The following CHEK1 variants were observed in gnomAD, a reference collection of about 807,000 sequenced individuals.
The protein encoded by CHEK1 is serine/threonine-protein kinase Chk1.
CHEK1 carries 32 observed loss-of-function variants against 60.2 expected under a neutral mutation model. The ratio of observed to expected loss-of-function variants is 0.53; its 90% CI spans 0.40 to 0.71. The LOEUF (loss-of-function observed/expected upper bound fraction) is 0.71, where lower values mean the gene tolerates loss of function less well. Ranked by LOEUF, CHEK1 falls within the 30% of genes least tolerant of loss-of-function variation. The pLI is 0.00. For missense variants in CHEK1, 399 were observed against 564.6 expected (o/e 0.71, Z 2.97); for synonymous variants, 179 against 187.2 (o/e 0.96, Z 0.36).
intron 8 of CHEK1, among the ~76,000 whole-genome samples, chr11:125,639,605 C>T (rs188716209): frequency 1.2e-4 from 19 of 152,160 alleles, no homozygotes; most frequent in Admixed American, 1.2e-3. Flanking sequence ...CTCCTAGCCT[C>T]AAGTGATCCC....
intron 13 of CHEK1, among the ~76,000 whole-genome samples, chr11:125,669,265 G>A (rs1417488317): frequency 6.6e-6 from 1 of 152,152 alleles, no homozygotes; most frequent in East Asian, 1.9e-4. Flanking sequence ...ATATGGAAAT[G>A]TGTTACCTTC....
At chr11:125,673,712 GT>G (rs1397790410) in intron 13 of CHEK1, among the ~76,000 whole-genome samples, 4 of 152,164 alleles carry the variant, frequency 2.6e-5, no homozygotes, top group Non-Finnish European at 5.9e-5. Flanking sequence ...AAACCTGCTT[GT>G]TTTTGTGAGT....
At chr11:125,627,469 TAGC>T in intron 2 of CHEK1, 135 bp from the exon 3 acceptor site, 4 of 655,458 alleles carry the variant, frequency 6.1e-6, no homozygotes, top group Non-Finnish European at 1.0e-5. Context: ...GTTGAGAACA[TAGC>T]AGAAACCACT....
intron 7 of CHEK1, among the ~76,000 whole-genome samples, chr11:125,636,955 C>T (rs1160560539): frequency 6.6e-6 from 1 of 151,914 alleles, no homozygotes; most frequent in African/African-American, 2.4e-5. Context: ...ATCTTTGGTC[C>T]ATTAGGAAAT....
chr11:125,674,953 C>T (rs1220646583), intron 13 of CHEK1, among the ~76,000 whole-genome samples: 1 of 152,200 alleles, frequency 6.6e-6, no homozygotes, highest in Non-Finnish European at 1.5e-5. Context: ...TTACATCCTG[C>T]ACTTTTCTGA....
At chr11:125,663,115 G>C (rs1460088681) in intron 13 of CHEK1, among the ~76,000 whole-genome samples, 1 of 149,152 alleles carries the variant, frequency 6.7e-6, no homozygotes, top group Non-Finnish European at 1.5e-5. Context: ...CTAGTCCTTT[G>C]TCAAATATGT....
chr11:125,627,695 A>G lies in CHEK1; in HGVS notation c.154A>G (p.Ile52Val). 1 of 1,614,004 alleles carries G rather than the reference A, an allele frequency of 6.2e-7. No individual in the cohort carries two copies. Among genetic ancestry groups the G allele is most frequent in the Non-Finnish European group, 8.5e-7 (1 of 1,179,934 alleles). The change falls in exon 3 of 13, where the codon ATT (isoleucine) becomes GTT (valine). Residue 52 changes from isoleucine (I) to valine (V), a missense_variant. Around this residue, in one of 2 missense-constraint regions of CHEK1, gnomAD observed 370 missense variants for 494.8 expected, o/e 0.75. Transcript: ENST00000438015. ...MKRAVDCPEN[I>V]KKEICINKML... is the part of the protein sequence containing the mutation. ...GCGTGCCGTAGACTGTCCAGAAAAT[A>G]TTAAGAAAGAGATCTGTATCAATAA...
intron 8 of CHEK1, among the ~76,000 whole-genome samples, chr11:125,640,695 G>A (rs61919033): frequency 1.3e-5 from 2 of 152,016 alleles, no homozygotes; most frequent in Non-Finnish European, 2.9e-5. Flanking sequence ...TCAGCTTCCC[G>A]AGTAGCTGGG....
At chr11:125,681,063 T>TAAA (rs11398416), downstream of CHEK1, 38 of 168,622 alleles carry the variant, frequency 2.3e-4, no homozygotes, top group East Asian at 4.2e-4. The surrounding 1 kb of genome is among the most constrained non-coding windows in gnomAD (Gnocchi z 4.2). Context: ...GCCCTATCTT[T>TAAA]AAAAAAAAAA....
chr11:125,648,649 T>A (rs1333356950), intron 11 of CHEK1, among the ~76,000 whole-genome samples: 1 of 151,856 alleles, frequency 6.6e-6, no homozygotes, highest in Non-Finnish European at 1.5e-5. Flanking sequence ...TTTTTTTTTT[T>A]TAACCCAGAT....
rs367942205 is a variant in CHEK1, at chr11:125,627,657, T to C, written c.116T>C (p.Ile39Thr). ...RVTEEAVAVK[I>T]VDMKRAVDCP... ...ACTGAAGAAGCAGTCGCAGTGAAGA[T>C]TGTAGATATGAAGCGTGCCGTAGAC... Residue 39 changes from isoleucine to threonine, a missense_variant, in exon 3 of 13, where the codon ATT becomes ACT. Coordinates refer to ENST00000438015, the MANE Select transcript of CHEK1 (RefSeq NM_001114122.3). 5 of 1,613,830 alleles carry C rather than the reference T, an allele frequency of 3.1e-6. No homozygotes were observed. Among genetic ancestry groups the C allele is most frequent in the East Asian group, 4.5e-5 (2 of 44,852 alleles).
intron 8 of CHEK1, among the ~76,000 whole-genome samples, chr11:125,639,797 C>T (rs1174393853): frequency 6.6e-6 from 1 of 152,182 alleles, no homozygotes; most frequent in Non-Finnish European, 1.5e-5. Flanking sequence ...TCCATACTAA[C>T]TGCCTCTATG....
At chr11:125,667,152 ATCTC>A (rs1460697148) in intron 13 of CHEK1, among the ~76,000 whole-genome samples, 1 of 150,636 alleles carries the variant, frequency 6.6e-6, no homozygotes, top group African/African-American at 2.4e-5. Context: ...CCATTCCCCC[ATCTC>A]TCTCTCTCCC....
chr11:125,655,960 A>G lies in CHEK1; in HGVS notation c.*640A>G, dbSNP rs943414991. ...GTTGCATAAACTCTAGTGCTTAACT[A>G]ACTTTACTCTAAAAATTACTGTTGA... On this transcript the variant is annotated 3_prime_UTR_variant, in exon 13 of 13. Coordinates refer to ENST00000438015, the MANE Select transcript of CHEK1 (RefSeq NM_001114122.3). 2 of 208,776 alleles carry G rather than the reference A, an allele frequency of 9.6e-6. No individual in the cohort carries two copies. The highest frequency in any genetic ancestry group is 4.5e-5 in the African/African-American group (2 of 44,042). 12.9% of individuals were successfully genotyped at this position (208,776 alleles called of 1,614,324 possible).
chr11:125,641,762 C>A (rs1348032120), intron 8 of CHEK1, among the ~76,000 whole-genome samples: 2 of 151,214 alleles, frequency 1.3e-5, no homozygotes, highest in East Asian at 3.9e-4. Context: ...TAACCTCTAT[C>A]TTTAAAAAAA....
At chr11:125,671,625 TGTG>T (rs909479578) in intron 13 of CHEK1, 12 of 152,226 alleles carry the variant, frequency 7.9e-5, no homozygotes, top group Non-Finnish European at 1.8e-4. Context: ...CTACTTTCAT[TGTG>T]GTGGAAACAG....
Position 125,656,285 on chromosome 11 carries a change from A to T in CHEK1, c.*965A>T, listed in dbSNP as rs1218107471. 1 of 213,554 alleles carries T rather than the reference A, an allele frequency of 4.7e-6. No individual in the cohort carries two copies. The highest frequency in any genetic ancestry group is 9.5e-6 in the Non-Finnish European group (1 of 105,686). 13.2% of individuals were successfully genotyped at this position (213,554 alleles called of 1,614,324 possible). On this transcript the variant is annotated 3_prime_UTR_variant, in exon 13 of 13. Coordinates refer to ENST00000438015, the MANE Select transcript of CHEK1 (RefSeq NM_001114122.3). Reference sequence around the variant, plus strand: ...AGGATCGCGTGAACCTGGAAGTTTGAGGCTGTAGTGAGCTATGATTGCACC... The same window carrying T: ...AGGATCGCGTGAACCTGGAAGTTTGTGGCTGTAGTGAGCTATGATTGCACC...
intron 13 of CHEK1, among the ~76,000 whole-genome samples, chr11:125,675,228 AT>A (rs1363752271): frequency 6.6e-6 from 1 of 152,136 alleles, no homozygotes; most frequent in Non-Finnish European, 1.5e-5. Context: ...CCCTCAAAGC[AT>A]TTTCTGAATA....
chr11:125,674,722 C>T (rs1354891129), intron 13 of CHEK1, among the ~76,000 whole-genome samples: 1 of 152,198 alleles, frequency 6.6e-6, no homozygotes, highest in Non-Finnish European at 1.5e-5. Context: ...AGTAACAGGT[C>T]TTTAGGCAAG....
Sources: allele counts gnomAD v4.1 joint callset (sites outside exome capture counted in the v4.1 genomes callset), GRCh38; gene constraint gnomAD v4.1.1; regional missense constraint gnomAD v4.1.1; non-coding constraint Gnocchi (gnomAD v3.1); transcripts MANE v1.5; gene names NCBI Gene and HGNC (gene_info 2026-07-23, HGNC 2026-07-21).